Variants in DBF4B observed in about 807,000 individuals in gnomAD.
The protein encoded by DBF4B is DBF4B-CDC7 kinase regulatory subunit.
DBF4B carries 49 observed loss-of-function variants against 53.4 expected under a neutral mutation model. The ratio of observed to expected loss-of-function variants is 0.92; its 90% confidence interval spans 0.73 to 1.16. The LOEUF (loss-of-function observed/expected upper bound fraction) is 1.16. Among genes scored for constraint, DBF4B ranks in the 50% most tolerant of loss-of-function variants. The pLI is 0.00. For synonymous variants in DBF4B, 257 were observed against 288.7 expected (o/e 0.89, Z 1.11); for missense variants, 692 against 775.0 (o/e 0.89, Z 1.27).
chr17:44,749,919 G>T lies in DBF4B; in HGVS notation c.1190-676G>T. The T allele has an allele frequency of 9.7e-7, 1 of 1,030,212 alleles. No individual in the cohort carries two copies. The highest frequency in any genetic ancestry group is 1.2e-6 in the Non-Finnish European group (1 of 856,428). 63.8% of individuals were successfully genotyped at this position (1,030,212 alleles called of 1,614,324 possible). A position where few individuals can be genotyped will look rare whatever the true frequency, so the allele number is the denominator to read the frequency against. On this transcript the variant is annotated intron_variant, in intron 13 of 13. Transcript: ENST00000315005. The surrounding 1 kb of genome is among the most constrained non-coding windows in gnomAD (Gnocchi z 4.4). ...CCACGCTCCCGCACACAGATCCTCA[G>T]GAACATATGAAGCAGAGGAGGGGCT...
chr17:44,719,382 C>T (rs758770436), intron 2 of DBF4B, among the ~76,000 whole-genome samples: 2 of 152,146 alleles, frequency 1.3e-5, no homozygotes, highest in Non-Finnish European at 2.9e-5. Flanking sequence ...ACCATCACCA[C>T]AATCAATTTA....
Position 44,749,942 on chromosome 17 carries a change from G to T in DBF4B, c.1190-653G>T. ...CAGGAACATATGAAGCAGAGGAGGGGCTTGGGCTGCACCACTCACAGAGCT... is the reference window on the plus strand; with the variant it reads ...CAGGAACATATGAAGCAGAGGAGGGTCTTGGGCTGCACCACTCACAGAGCT... On this transcript the variant is annotated intron_variant, in intron 13 of 13. Transcript: ENST00000315005. This position sits in a 1 kb window ranked among gnomAD's most constrained non-coding sequence, Gnocchi z 4.4. 1 of 1,021,278 alleles carries T rather than the reference G, an allele frequency of 9.8e-7. No homozygotes were observed. The highest frequency in any genetic ancestry group is 1.2e-6 in the Non-Finnish European group (1 of 850,970). 63.3% of individuals were successfully genotyped at this position (1,021,278 alleles called of 1,614,324 possible).
At chr17:44,747,281 G>A (rs2049129393) in intron 11 of DBF4B, 90 bp downstream of exon 11, 8 of 1,589,818 alleles carry the variant, frequency 5.0e-6, no homozygotes, top group Non-Finnish European at 4.3e-6. Flanking sequence ...CGATCTCTAT[G>A]CTGCTATGGC....
intron 4 of DBF4B, 61 bp downstream of exon 4, chr17:44,730,157 CT>C: frequency 2.0e-6 from 3 of 1,526,710 alleles, no homozygotes; most frequent in Admixed American, 2.1e-5. Context: ...TTTGGTGAGC[CT>C]TTTAAGGCAG....
At chr17:44,750,485 T>A (rs909224011) in intron 13 of DBF4B, 110 bp from the exon 14 acceptor site, 1 of 1,488,214 alleles carries the variant, frequency 6.7e-7, no homozygotes, top group African/African-American at 1.4e-5. Context: ...CCCTTCCTGT[T>A]AAATTTTACA....
In DBF4B at chr17:44,752,081, C is replaced by A; in HGVS notation, c.*828C>A. On this transcript the variant is annotated 3_prime_UTR_variant, in exon 14 of 14. Transcript: ENST00000315005. ...CCTTTCACTTCTCGGCAGATGTGACCGATTGGTAGCTCCACCCCAACTCCC... is the reference window on the plus strand; with the variant it reads ...CCTTTCACTTCTCGGCAGATGTGACAGATTGGTAGCTCCACCCCAACTCCC... 1 of 1,244,214 alleles carries A rather than the reference C, an allele frequency of 8.0e-7. No homozygotes were observed. The highest frequency in any genetic ancestry group is 1.1e-6 in the Non-Finnish European group (1 of 882,462). The allele number at this position is 1,244,214 out of a possible 1,614,324, so 77.1% of individuals were successfully genotyped here. A position where few individuals can be genotyped will look rare whatever the true frequency, so the allele number is the denominator to read the frequency against.
intron 10 of DBF4B, among the ~76,000 whole-genome samples, chr17:44,743,479 T>A (rs1188521172): frequency 6.6e-6 from 1 of 151,966 alleles, no homozygotes; most frequent in East Asian, 1.9e-4. Context: ...TGGTGCAACC[T>A]TCCTCCCAGG....
At chr17:44,709,052 A>G (rs1281954560) in intron 1 of DBF4B, 2 of 766,566 alleles carry the variant, frequency 2.6e-6, no homozygotes, top group Non-Finnish European at 4.3e-6. Flanking sequence ...GGAGGGATGT[A>G]TGGAGATTGA....
chr17:44,709,327 A>G lies in DBF4B; in HGVS notation c.43A>G (p.Ser15Gly). The change falls in exon 2 of 14, where the codon AGT (serine) becomes GGT (glycine). Residue 15 changes from serine to glycine, a missense_variant. By Grantham distance (56) the Ser-to-Gly change is moderately conservative. Coordinates refer to ENST00000315005, the MANE Select transcript of DBF4B (RefSeq NM_145663.3). ...AGGAGACGATTGCCTCGAGCTGGAG[A>G]GTTCCATGGCTGAGAGTAGGCTCCG... ...GKGDDCLELE[S>G]SMAESRLRAP... 1 of 1,613,990 alleles carries G rather than the reference A, an allele frequency of 6.2e-7. No homozygotes were observed. Among genetic ancestry groups the G allele is most frequent in the Non-Finnish European group, 8.5e-7 (1 of 1,179,998 alleles).
chr17:44,725,867 TG>T (rs1020483298), intron 3 of DBF4B, among the ~76,000 whole-genome samples: 10 of 151,646 alleles, frequency 6.6e-5, no homozygotes, highest in Admixed American at 6.6e-4. Context: ...TTGTATTTTT[TG>T]TGGAGGCAGA....
intron 10 of DBF4B, among the ~76,000 whole-genome samples, chr17:44,743,587 A>G (rs1976283595): frequency 6.7e-6 from 1 of 149,892 alleles, no homozygotes; most frequent in Non-Finnish European, 1.5e-5. Flanking sequence ...AACATCCAGC[A>G]TAGTCAATAC....
Position 44,750,794 on chromosome 17 carries a change from G to T in DBF4B, c.1389G>T (p.Leu463=). ...ATCTGGTCACTTCCTTGGCTCTGCTGCCTGGGGAGTGGTCGCCTGCAGAGG... is the reference window on the plus strand; with the variant it reads ...ATCTGGTCACTTCCTTGGCTCTGCTTCCTGGGGAGTGGTCGCCTGCAGAGG... The part of the protein sequence containing the change: ...QSHLVTSLAL[L]PGEWSPAEDM... Residue 463 remains leucine, a synonymous_variant, in exon 14 of 14, where the codon CTG becomes CTT. Transcript: ENST00000315005. The T allele has an allele frequency of 6.2e-7, 1 of 1,614,214 alleles. No individual in the cohort carries two copies. Among genetic ancestry groups the T allele is most frequent in the Non-Finnish European group, 8.5e-7 (1 of 1,180,036 alleles).
chr17:44,750,828 C>A lies in DBF4B; in HGVS notation c.1423C>A (p.Leu475Ile). Residue 475 changes from leucine to isoleucine, a missense_variant, in exon 14 of 14, where the codon CTC becomes ATC. Coordinates refer to ENST00000315005, the MANE Select transcript of DBF4B (RefSeq NM_145663.3). ...GEWSPAEDMPLHPSQENSFAP... is the reference protein window; with the variant it reads ...GEWSPAEDMPIHPSQENSFAP... ...GTGGTCGCCTGCAGAGGACATGCCCCTCCATCCCTCCCAAGAAAACTCCTT... is the reference window on the plus strand; with the variant it reads ...GTGGTCGCCTGCAGAGGACATGCCCATCCATCCCTCCCAAGAAAACTCCTT... 1 of 1,614,226 alleles carries A rather than the reference C, an allele frequency of 6.2e-7. No individual in the cohort carries two copies.
chr17:44,737,336 A>T (rs563552438), intron 8 of DBF4B, among the ~76,000 whole-genome samples: 1 of 152,156 alleles, frequency 6.6e-6, no homozygotes, highest in African/African-American at 2.4e-5. Flanking sequence ...TCTCCCAAAG[A>T]TGCTCTTTCA....
intron 3 of DBF4B, among the ~76,000 whole-genome samples, chr17:44,723,533 T>C (rs1467063144): frequency 6.6e-6 from 1 of 151,726 alleles, no homozygotes; most frequent in Non-Finnish European, 1.5e-5. Context: ...GCAGGTGGAT[T>C]ACTTGACGTC....
chr17:44,750,627 T>C lies in DBF4B; in HGVS notation c.1222T>C (p.Trp408Arg), dbSNP rs573608828. 23 of 1,613,700 alleles carry C rather than the reference T, an allele frequency of 1.4e-5. No individual in the cohort carries two copies. The African/African-American group carries it at 2.8e-4, about 20-fold the overall frequency. The change falls in exon 14 of 14, where the codon TGG (tryptophan) becomes CGG (arginine). Residue 408 changes from tryptophan (W) to arginine (R), a missense_variant. Coordinates refer to ENST00000315005, the MANE Select transcript of DBF4B (RefSeq NM_145663.3). ...AGGCAGGGCTGCGGGCCAGCAGCGA[T>C]GGACAGAATCACTAGATGGTGTGAT... is the stretch of plus-strand genomic sequence containing the variant. ...TQGRAAGQQR[W>R]TESLDGVMGP...
chr17:44,749,116 G>C lies in DBF4B; in HGVS notation c.1189+651G>C. On this transcript the variant is annotated intron_variant, in intron 13 of 13. Transcript: ENST00000315005. The surrounding 1 kb of genome is among the most constrained non-coding windows in gnomAD (Gnocchi z 4.4). ...AGCTCCCCTGTACTCAGCTACCAGT[G>C]TGCAGCCCTCGGGAGCACCTGTAGA... 7.8e-7 allele frequency: 1 copy of C among 1,289,704 alleles called. No individual in the cohort carries two copies. The highest frequency in any genetic ancestry group is 1.5e-5 in the African/African-American group (1 of 65,974). The allele number at this position is 1,289,704 out of a possible 1,614,324, so 79.9% of individuals were successfully genotyped here. A position where few individuals can be genotyped will look rare whatever the true frequency, so the allele number is the denominator to read the frequency against.
At chr17:44,736,709 C>A in intron 7 of DBF4B, 121 bp from the exon 8 acceptor site, 1 of 1,040,220 alleles carries the variant, frequency 9.6e-7, no homozygotes, top group African/African-American at 1.6e-5. Flanking sequence ...TCTGGTTCTG[C>A]AGGCCTCTCA....
rs1361377153 is a variant in DBF4B at position 44,722,926 on chromosome 17, C to G, written c.129C>G (p.Ala43=). ...LGKCQKNSPG[A]RKHPFSGKSF... Reference sequence around the variant, plus strand: ...AATGCCAGAAGAACTCACCAGGTGCCAGGAAGCATCCCTTTTCCGGAAAGT... The same window carrying G: ...AATGCCAGAAGAACTCACCAGGTGCGAGGAAGCATCCCTTTTCCGGAAAGT... Residue 43 remains alanine, a synonymous_variant, in exon 3 of 14, where the codon GCC becomes GCG. Transcript: ENST00000315005. 6.2e-7 allele frequency: 1 copy of G among 1,614,176 alleles called. No individual in the cohort carries two copies. The highest frequency in any genetic ancestry group is 1.1e-5 in the South Asian group (1 of 91,088).
Sources: allele counts gnomAD v4.1 joint callset (sites outside exome capture counted in the v4.1 genomes callset), GRCh38; gene constraint gnomAD v4.1.1; non-coding constraint Gnocchi (gnomAD v3.1); transcripts MANE v1.5; gene names NCBI Gene and HGNC (gene_info 2026-07-23, HGNC 2026-07-21).